GRK5: variants seen among roughly 807,000 people sequenced by gnomAD.
GRK5 encodes the protein g protein-coupled receptor kinase GRK5.
A neutral mutation model predicts 78.4 loss-of-function variants in GRK5; 40 were observed. The observed-to-expected ratio is 0.51, with a 90% CI of 0.40 to 0.66. GRK5 has a LOEUF of 0.66. Among genes scored for constraint, GRK5 ranks in the 30% least tolerant of loss-of-function variants. The probability of loss-of-function intolerance (pLI) is 0.00; values close to 1 mark genes in which losing one functional copy is unlikely to be tolerated. For missense variants in GRK5, 598 were observed against 759.9 expected, an observed-to-expected ratio of 0.79 and a Z score of 2.50; for synonymous variants, 289 against 296.8, an observed-to-expected ratio of 0.97 and a Z score of 0.27.
chr10:119,224,165 C>T (rs986143884), intron 1 of GRK5, among the ~76,000 whole-genome samples: 1 of 151,922 alleles, frequency 6.6e-6, no homozygotes, highest in Admixed American at 6.6e-5. Context: ...GAGACCCTGT[C>T]TCTTAAAAAA....
At chr10:119,255,752 G>A (rs1849273415) in intron 1 of GRK5, among the ~76,000 whole-genome samples, 2 of 152,320 alleles carry the variant, frequency 1.3e-5, no homozygotes, top group African/African-American at 4.8e-5. Flanking sequence ...AAGGTGGTGA[G>A]TTAGCCCTCT....
intron 1 of GRK5, among the ~76,000 whole-genome samples, chr10:119,268,594 TC>T (rs963592578): frequency 1.2e-4 from 19 of 152,236 alleles, no homozygotes; most frequent in African/African-American, 4.6e-4. Context: ...TCCCTGAGCC[TC>T]TGTGTTTTCA....
Position 119,423,249 on chromosome 10 carries a change from CTT to C in GRK5, c.426_427del (p.Ser143CysfsTer25). 1 of 1,613,654 alleles carries C rather than the reference CTT, an allele frequency of 6.2e-7. No individual in the cohort carries two copies. Among genetic ancestry groups the C allele is most frequent in the Admixed American group, 1.7e-5 (1 of 60,024 alleles). ...KLLQKPCKELFSACAQSVHEY... is the reference protein window; with the variant it reads ...KLLQKPCKELXSACAQSVHEY... ...TCCTACAGAAGCCGTGCAAAGAACT[CTT>C]TTCTGCCTGTGCACAGTAAGTGCCG... On this transcript the variant is annotated frameshift_variant, in exon 5 of 16. Transcript: ENST00000392870. LOFTEE classifies it high-confidence loss of function.
intron 1 of GRK5, among the ~76,000 whole-genome samples, chr10:119,319,231 G>A (rs1265219751): frequency 6.6e-6 from 1 of 152,212 alleles, no homozygotes; most frequent in Non-Finnish European, 1.5e-5. Context: ...CCCAGGGCTG[G>A]AGAAAGCAGG....
At chr10:119,214,394 G>A (rs993758513) in intron 1 of GRK5, among the ~76,000 whole-genome samples, 1 of 152,172 alleles carries the variant, frequency 6.6e-6, no homozygotes, top group South Asian at 2.1e-4. Context: ...TGACTCTACT[G>A]TGCCTAGAAT....
Position 119,378,952 on chromosome 10 carries a change from G to C in GRK5, c.149-1863G>C, listed in dbSNP as rs2133829126. Among the ~76,000 whole-genome samples the C allele has an allele frequency of 6.6e-6, 1 of 152,346 alleles. No homozygotes were observed. Among genetic ancestry groups the C allele is most frequent in the East Asian group, 1.9e-4 (1 of 5,186 alleles). On this transcript the variant is annotated intron_variant, in intron 2 of 15. Coordinates refer to ENST00000392870, the MANE Select transcript of GRK5 (RefSeq NM_005308.3). This position sits in a 1 kb window ranked among gnomAD's most constrained non-coding sequence, Gnocchi z 4.5. Reference sequence around the variant, plus strand: ...AGTGACGTGTCCATCCGTGACCGTAGCACTGTGGCCAGGAGACAGAGGCCT... The same window carrying C: ...AGTGACGTGTCCATCCGTGACCGTACCACTGTGGCCAGGAGACAGAGGCCT...
intron 8 of GRK5, 123 bp from the exon 9 acceptor site, chr10:119,436,528 G>T (rs1250413462): frequency 7.5e-6 from 7 of 932,424 alleles, no homozygotes; most frequent in Non-Finnish European, 9.9e-6. Flanking sequence ...CCATCTGGGT[G>T]CAGGGGAGCA....
chr10:119,243,571 T>TTCC (rs1554898022), intron 1 of GRK5, among the ~76,000 whole-genome samples: 52 of 148,914 alleles, frequency 3.5e-4, no homozygotes, highest in African/African-American at 1.2e-3. Flanking sequence ...TTTTTCTTTT[T>TTCC]TTTTTTTTTT....
At chr10:119,251,603 G>T (rs1201897356) in intron 1 of GRK5, among the ~76,000 whole-genome samples, 1 of 152,178 alleles carries the variant, frequency 6.6e-6, no homozygotes, top group Non-Finnish European at 1.5e-5. Context: ...TTATTTTCTT[G>T]CTGTCTTCTA....
chr10:119,288,781 C>A (rs1849902277), intron 1 of GRK5, among the ~76,000 whole-genome samples: 1 of 152,228 alleles, frequency 6.6e-6, no homozygotes, highest in Non-Finnish European at 1.5e-5. Flanking sequence ...ACCCACCCGG[C>A]CTCAGCCACT....
At chr10:119,385,799 G>A (rs537667096) in intron 3 of GRK5, among the ~76,000 whole-genome samples, 1 of 152,292 alleles carries the variant, frequency 6.6e-6, no homozygotes, top group African/African-American at 2.4e-5. Flanking sequence ...CTTGAGTGGC[G>A]AAGCTCCAGG....
Position 119,412,236 on chromosome 10 carries a change from T to C in GRK5, c.340-10930T>C, listed in dbSNP as rs1464325401. 6.6e-6 allele frequency among the ~76,000 whole-genome samples: 1 copy of C among 152,126 alleles called. No homozygotes were observed. The highest frequency in any genetic ancestry group is 2.4e-5 in the African/African-American group (1 of 41,426). On this transcript the variant is annotated intron_variant, in intron 4 of 15. Coordinates refer to ENST00000392870, the MANE Select transcript of GRK5 (RefSeq NM_005308.3). This position sits in a 1 kb window ranked among gnomAD's most constrained non-coding sequence, Gnocchi z 4.3. ...TCCTTTGAACTCAAAAGAGGCACAG[T>C]GAGAGCCTTCCAGCCTCGATCACAA...
chr10:119,309,696 C>G (rs1333063984), intron 1 of GRK5, among the ~76,000 whole-genome samples: 1 of 152,182 alleles, frequency 6.6e-6, no homozygotes. Context: ...GATGTGAACC[C>G]TCATCTCTGT....
intron 3 of GRK5, among the ~76,000 whole-genome samples, chr10:119,383,012 C>T (rs1256045120): frequency 6.6e-6 from 1 of 152,144 alleles, no homozygotes; most frequent in Non-Finnish European, 1.5e-5. Context: ...AGCTCCGCCT[C>T]CCAGGTTCAC....
chr10:119,370,603 C>A (rs2133819954), intron 2 of GRK5, among the ~76,000 whole-genome samples: 1 of 152,366 alleles, frequency 6.6e-6, no homozygotes, highest in African/African-American at 2.4e-5. Context: ...GGCTGGGAAG[C>A]TCTGCTGTTA....
intron 3 of GRK5, among the ~76,000 whole-genome samples, chr10:119,382,721 C>A (rs973423842): frequency 6.6e-6 from 1 of 152,146 alleles, no homozygotes; most frequent in Non-Finnish European, 1.5e-5. Context: ...TGTTCTCATA[C>A]ATTTTATGTG....
intron 1 of GRK5, among the ~76,000 whole-genome samples, chr10:119,265,422 G>A (rs920897971): frequency 7.2e-5 from 11 of 152,240 alleles, no homozygotes; most frequent in Non-Finnish European, 1.5e-4. Flanking sequence ...GGGCCTCTGG[G>A]AGGTGAGTCG....
rs1436003489 is a variant in GRK5, at chr10:119,412,708, A to G, written c.340-10458A>G. On this transcript the variant is annotated intron_variant, in intron 4 of 15. Coordinates refer to ENST00000392870, the MANE Select transcript of GRK5 (RefSeq NM_005308.3). The surrounding 1 kb of genome is among the most constrained non-coding windows in gnomAD (Gnocchi z 4.3). ...ATGGTGCTTTTTCTTCCTGTCAGCC[A>G]GGCCTTAAATCAACCCTCAAGTGAG... Among the ~76,000 whole-genome samples, 4 of 152,210 alleles carry G rather than the reference A, an allele frequency of 2.6e-5. No homozygotes were observed. The highest frequency in any genetic ancestry group is 5.9e-5 in the Non-Finnish European group (4 of 68,032).
Position 119,452,852 on chromosome 10 carries a change from G to T in GRK5, c.1542+44G>T. On this transcript the variant is annotated intron_variant, in intron 14 of 15. Coordinates refer to ENST00000392870, the MANE Select transcript of GRK5 (RefSeq NM_005308.3). This position sits in a 1 kb window ranked among gnomAD's most constrained non-coding sequence, Gnocchi z 4.4. ...TTGCTTTGGTCTGGGTGGGAGGGAG[G>T]GACTGACGGGTGGAAGGAGGCGTCG... is the stretch of plus-strand genomic sequence containing the variant. The T allele has an allele frequency of 7.4e-7, 1 of 1,359,808 alleles. No homozygotes were observed. The highest frequency in any genetic ancestry group is 1.0e-6 in the Non-Finnish European group (1 of 967,532). The allele number at this position is 1,359,808 out of a possible 1,614,324, so 84.2% of individuals were successfully genotyped here. A position where few individuals can be genotyped will look rare whatever the true frequency, so the allele number is the denominator to read the frequency against.
Sources: gnomAD v4.1 joint callset for allele counts (sites outside exome capture counted in the v4.1 genomes callset) on GRCh38, gnomAD v4.1.1 for gene constraint, Gnocchi (gnomAD v3.1) non-coding constraint, MANE v1.5 for transcripts, NCBI Gene and HGNC (gene_info 2026-07-23, HGNC 2026-07-21) for gene names.